The following PLEKHA5 variants were observed in gnomAD, a reference collection of about 807,000 sequenced individuals.
The protein encoded by PLEKHA5 is pleckstrin homology domain containing A5.
Under a neutral mutation model 181.9 loss-of-function variants are expected in PLEKHA5, and 55 were observed. The observed-to-expected ratio is 0.30, with a 90% confidence interval of 0.24 to 0.38. The LOEUF (loss-of-function observed/expected upper bound fraction) is 0.38, where lower values mean the gene tolerates loss of function less well. Ranked by LOEUF, PLEKHA5 falls within the 10% of genes least tolerant of loss-of-function variation. The pLI is 1.00. For missense variants in PLEKHA5, 1,432 were observed against 1,549.5 expected (o/e 0.92, Z 1.27); for synonymous variants, 535 against 529.4 (o/e 1.01, Z -0.15).
At chr12:19,218,806 AG>A (rs1036365098) in intron 3 of PLEKHA5, among the ~76,000 whole-genome samples, 64 of 151,912 alleles carry the variant, frequency 4.2e-4, no homozygotes, top group African/African-American at 1.4e-3. Flanking sequence ...GTATATCAGC[AG>A]ATTATCCTGG....
chr12:19,341,356 G>A (rs2093910591), intron 21 of PLEKHA5, among the ~76,000 whole-genome samples: 1 of 152,092 alleles, frequency 6.6e-6, no homozygotes, highest in Admixed American at 6.6e-5. Flanking sequence ...AATTAGATTT[G>A]CATTGTATAC....
chr12:19,266,936 T>C (rs369914078), intron 8 of PLEKHA5, among the ~76,000 whole-genome samples: 2 of 152,278 alleles, frequency 1.3e-5, no homozygotes, highest in South Asian at 2.1e-4. Flanking sequence ...TCGGGTACTT[T>C]ACAGAGAACA....
rs1386488917 is a variant in PLEKHA5, at chr12:19,322,792, TTTG to T, written c.2448+128_2448+130del. 114 of 630,168 alleles carry T rather than the reference TTTG, an allele frequency of 1.8e-4. No homozygotes were observed. In the Middle Eastern group the frequency reaches 2.5e-3, roughly 14 times the overall value. 39.0% of individuals were successfully genotyped at this position (630,168 alleles called of 1,614,324 possible). A position where few individuals can be genotyped will look rare whatever the true frequency, so the allele number is the denominator to read the frequency against. ...ATATTATTATAGCAGAAAATATTAA[TTTG>T]TTATTAGTGTGCTTCTGTTTAGGAA... On this transcript the variant is annotated intron_variant, in intron 20 of 31. Coordinates refer to ENST00000429027, the MANE Select transcript of PLEKHA5 (RefSeq NM_001256470.2).
chr12:19,203,999 T>G (rs1367663707), intron 3 of PLEKHA5, among the ~76,000 whole-genome samples: 2 of 152,012 alleles, frequency 1.3e-5, no homozygotes, highest in Non-Finnish European at 2.9e-5. Flanking sequence ...ATATGCGTAT[T>G]GACACATTTT....
intron 7 of PLEKHA5, among the ~76,000 whole-genome samples, chr12:19,263,224 T>C (rs1195106529): frequency 2.0e-5 from 3 of 152,208 alleles, no homozygotes; most frequent in Admixed American, 1.3e-4. Flanking sequence ...GAGCAAGTTA[T>C]ATAGATGCTC....
At chr12:19,211,980 T>C (rs888066192) in intron 3 of PLEKHA5, among the ~76,000 whole-genome samples, 4 of 152,202 alleles carry the variant, frequency 2.6e-5, no homozygotes, top group South Asian at 2.1e-4. Context: ...TGGTTTTGGC[T>C]TGGTGGTGTG....
At chr12:19,168,624 C>A (rs1372359616) in intron 3 of PLEKHA5, among the ~76,000 whole-genome samples, 1 of 152,136 alleles carries the variant, frequency 6.6e-6, no homozygotes, top group Non-Finnish European at 1.5e-5. Context: ...TTCCCCCCTC[C>A]CATATATACA....
rs1004251584 is a variant in PLEKHA5 at position 19,314,882 on chromosome 12, A to T, written c.2106A>T (p.Gln702His). 3 of 1,535,396 alleles carry T rather than the reference A, an allele frequency of 2.0e-6. No homozygotes were observed. The highest frequency in any genetic ancestry group is 2.6e-6 in the Non-Finnish European group (3 of 1,132,228). Residue 702 changes from glutamine to histidine, a missense_variant, in exon 16 of 32, where the codon CAA (glutamine) becomes CAT (histidine). Physicochemically the swap from Gln to His is conservative, Grantham distance 24 (BLOSUM62 0). Coordinates refer to ENST00000429027, the MANE Select transcript of PLEKHA5 (RefSeq NM_001256470.2). The part of the protein sequence containing the change: ...TMIENSALRP[Q>H]LYQQFLRQKS... ...TTGAGAACTCGGCGCTAAGACCCCA[A>T]CTGTACCAGCAAGTAAGGTCTTGGA...
At chr12:19,230,851 C>T (rs1000705869) in intron 3 of PLEKHA5, among the ~76,000 whole-genome samples, 3 of 152,168 alleles carry the variant, frequency 2.0e-5, no homozygotes, top group African/African-American at 4.8e-5. Context: ...CCAGAGTGGG[C>T]GCCGAGGCCA....
chr12:19,345,458 A>T (rs2094263410), intron 22 of PLEKHA5, among the ~76,000 whole-genome samples: 1 of 151,468 alleles, frequency 6.6e-6, no homozygotes, highest in Non-Finnish European at 1.5e-5. Context: ...TTTAAAAAAA[A>T]ATACATGAAA....
intron 21 of PLEKHA5, among the ~76,000 whole-genome samples, chr12:19,340,495 T>C (rs1334481281): frequency 5.6e-5 from 8 of 142,074 alleles, no homozygotes; most frequent in Admixed American, 2.8e-4. Flanking sequence ...ACAATGGCGG[T>C]TTTGTGGAAT....
At chr12:19,326,234 A>G (rs936849554) in intron 20 of PLEKHA5, among the ~76,000 whole-genome samples, 1 of 152,150 alleles carries the variant, frequency 6.6e-6, no homozygotes, top group African/African-American at 2.4e-5. Flanking sequence ...TTGTGCCTTT[A>G]TGTAAACTTA....
chr12:19,360,143 G>A (rs1565662944), intron 28 of PLEKHA5, among the ~76,000 whole-genome samples: 1 of 151,688 alleles, frequency 6.6e-6, no homozygotes, highest in Non-Finnish European at 1.5e-5. Flanking sequence ...ACCAGCCTGG[G>A]CAACATGGTG....
At chr12:19,148,243 G>A (rs2039457055) in intron 3 of PLEKHA5, among the ~76,000 whole-genome samples, 1 of 152,128 alleles carries the variant, frequency 6.6e-6, no homozygotes, top group African/African-American at 2.4e-5. Flanking sequence ...TTTTAGTAGA[G>A]ACAGGGTTTC....
rs866123733 is a variant in PLEKHA5 at position 19,130,387 on chromosome 12, C to T, written c.169+257C>T. 6.6e-5 allele frequency among the ~76,000 whole-genome samples: 10 copies of T among 152,052 alleles called. 1 individual carries two copies. The Middle Eastern group carries it at 0.014, about 208-fold the overall frequency. On this transcript the variant is annotated intron_variant, in intron 2 of 31. Transcript: ENST00000429027. The surrounding 1 kb of genome is among the most constrained non-coding windows in gnomAD (Gnocchi z 4.5). Reference sequence around the variant, plus strand: ...CGGCGCCCTCTTCCTGCGCCTTCTCCCCCCATCCCAGCCTAGACGACCCTC... The same window carrying T: ...CGGCGCCCTCTTCCTGCGCCTTCTCTCCCCATCCCAGCCTAGACGACCCTC...
intron 24 of PLEKHA5, among the ~76,000 whole-genome samples, 181 bp downstream of exon 24, chr12:19,347,363 T>G (rs2094386266): frequency 6.6e-6 from 1 of 151,938 alleles, no homozygotes; most frequent in African/African-American, 2.4e-5. Flanking sequence ...GGTTTTGCTA[T>G]TCTCATTTTT....
rs758136350 is a variant in PLEKHA5 at position 19,269,790 on chromosome 12, G to T, written c.732G>T (p.Arg244=). 1 of 1,598,196 alleles carries T rather than the reference G, an allele frequency of 6.3e-7. No homozygotes were observed. Among genetic ancestry groups the T allele is most frequent in the African/African-American group, 1.3e-5 (1 of 74,658 alleles). ...YAFKAAHPNM[R]TYYFCTDTGK... ...ATCAGGCAGCCCATCCAAACATGCG[G>T]ACCTATTATTTCTGCACTGATACAG... Residue 244 remains arginine (R), a synonymous_variant, in exon 9 of 32, where the codon CGG becomes CGT. Coordinates refer to ENST00000429027, the MANE Select transcript of PLEKHA5 (RefSeq NM_001256470.2).
intron 3 of PLEKHA5, among the ~76,000 whole-genome samples, chr12:19,165,107 C>T (rs2043994299): frequency 6.6e-6 from 1 of 152,142 alleles, no homozygotes; most frequent in South Asian, 2.1e-4. Context: ...GGGACACTCA[C>T]CCACTCAAAT....
intron 3 of PLEKHA5, among the ~76,000 whole-genome samples, chr12:19,197,965 G>A (rs1212975046): frequency 1.3e-5 from 2 of 151,876 alleles, no homozygotes; most frequent in East Asian, 3.9e-4. Flanking sequence ...GAGCCCTGTT[G>A]ACACTTCCTC....
Sources: gnomAD v4.1 joint callset for allele counts (sites outside exome capture counted in the v4.1 genomes callset) on GRCh38, gnomAD v4.1.1 for gene constraint, Gnocchi (gnomAD v3.1) non-coding constraint, MANE v1.5 for transcripts, NCBI Gene and HGNC (gene_info 2026-07-23, HGNC 2026-07-21) for gene names.